ANK3: variants seen among roughly 807,000 people sequenced by gnomAD.
The protein encoded by ANK3 is ankyrin 3.
In ANK3, 57 loss-of-function variants were observed where a neutral mutation model predicts 370.9. The ratio of observed to expected loss-of-function variants is 0.15; its 90% CI spans 0.12 to 0.19. ANK3 has a LOEUF of 0.19. ANK3 is among the 10% of genes least tolerant of loss of function. The pLI is 1.00. For synonymous variants in ANK3, 1,929 were observed against 1,946.3 expected (o/e 0.99, Z 0.23); for missense variants, 4,439 against 5,302.1 (o/e 0.84, Z 5.06).
chr10:60,126,215 G>C (rs1287907304), intron 25 of ANK3, among the ~76,000 whole-genome samples: 1 of 152,154 alleles, frequency 6.6e-6, no homozygotes, highest in Admixed American at 6.6e-5. Flanking sequence ...GTCTGAAAAG[G>C]AAGTCTTCAA....
intron 30 of ANK3, among the ~76,000 whole-genome samples, chr10:60,085,507 A>G (rs2086440933): frequency 1.3e-5 from 2 of 152,052 alleles, no homozygotes; most frequent in Admixed American, 1.3e-4. Flanking sequence ...GTACTAATGA[A>G]TGGCTTAAAC....
chr10:60,351,784 G>T (rs2056911973), intron 1 of ANK3, among the ~76,000 whole-genome samples: 2 of 152,098 alleles, frequency 1.3e-5, no homozygotes, highest in African/African-American at 4.8e-5. Flanking sequence ...GGCCATCGGG[G>T]TCTCAGAGAA....
intron 23 of ANK3, chr10:60,140,571 C>T (rs2132214029): frequency 2.9e-6 from 4 of 1,376,506 alleles, no homozygotes; most frequent in Admixed American, 3.4e-5. Context: ...ACTCAGAGTT[C>T]GAAGATTTTC....
At chr10:60,085,941 A>G (rs1459328389) in intron 30 of ANK3, among the ~76,000 whole-genome samples, 1 of 152,184 alleles carries the variant, frequency 6.6e-6, no homozygotes, top group Non-Finnish European at 1.5e-5. Flanking sequence ...GGTAAGAACT[A>G]CCAAAGTTAA....
In ANK3 at chr10:60,156,829, A is replaced by T. The variant is rs555813526; in HGVS notation, c.2614+9762T>A. Among the ~76,000 whole-genome samples, 352 of 152,220 alleles carry T rather than the reference A, an allele frequency of 2.3e-3. 2 individuals are homozygous for T. Among genetic ancestry groups the T allele is most frequent in the Middle Eastern group, 0.017 (5 of 294 alleles). ...GTCCTCTCAAAAAGGATGGCTAAAA[A>T]CAAGCCTATACTGTGAAGACTGGAA... On this transcript the variant is annotated intron_variant, in intron 23 of 43. Transcript: ENST00000280772.
intron 1 of ANK3, among the ~76,000 whole-genome samples, chr10:60,673,351 T>A (rs980365608): frequency 1.5e-4 from 10 of 65,940 alleles, no homozygotes; most frequent in African/African-American, 6.1e-4. Context: ...TCAGACAAGA[T>A]TTTTTTTTTT....
intron 1 of ANK3, among the ~76,000 whole-genome samples, chr10:60,666,490 T>C (rs1485060682): frequency 1.3e-5 from 2 of 152,088 alleles, no homozygotes; most frequent in East Asian, 1.9e-4. Context: ...ATGAAAAGAG[T>C]TCTGGAGATG....
At chr10:60,229,171 A>AT (rs1357200858) in intron 8 of ANK3, among the ~76,000 whole-genome samples, 4 of 152,168 alleles carry the variant, frequency 2.6e-5, no homozygotes, top group African/African-American at 9.7e-5. Flanking sequence ...CTAAATAAAT[A>AT]TTTTCAATTA....
chr10:60,366,635 G>T (rs1262046091), intron 1 of ANK3, among the ~76,000 whole-genome samples: 1 of 152,014 alleles, frequency 6.6e-6, no homozygotes, highest in Non-Finnish European at 1.5e-5. Flanking sequence ...AGGGGGCTTG[G>T]GGAGGAAGGG....
At chr10:60,614,003 G>A (rs1489487120) in intron 2 of ANK3, among the ~76,000 whole-genome samples, 3 of 152,118 alleles carry the variant, frequency 2.0e-5, no homozygotes, top group Non-Finnish European at 2.9e-5. Context: ...GAACCCGGGA[G>A]GCAGATGTTG....
At chr10:60,554,544 C>T (rs959043605) in intron 2 of ANK3, among the ~76,000 whole-genome samples, 8 of 151,978 alleles carry the variant, frequency 5.3e-5, no homozygotes, top group Non-Finnish European at 7.4e-5. Context: ...TTTTGTAGCA[C>T]AAAAATAAAG....
intron 1 of ANK3, among the ~76,000 whole-genome samples, chr10:60,356,009 C>T (rs578239105): frequency 2.0e-5 from 3 of 152,272 alleles, no homozygotes; most frequent in African/African-American, 7.2e-5. Flanking sequence ...TCTTAACAGT[C>T]TAGTAACAGC....
intron 7 of ANK3, among the ~76,000 whole-genome samples, chr10:60,247,694 A>C (rs2097578546): frequency 6.6e-6 from 1 of 151,774 alleles, no homozygotes. Flanking sequence ...AGGAGACAGG[A>C]TTTCACTCTG....
In ANK3 at chr10:60,291,787, A is replaced by C. The variant is rs149229252; in HGVS notation, c.115-12148T>G. Among the ~76,000 whole-genome samples, 5 of 152,116 alleles carry C rather than the reference A, an allele frequency of 3.3e-5. No homozygotes were observed. In the East Asian group the frequency reaches 9.7e-4, roughly 29 times the overall value. ...GTCTCTATCACCCAGGCTGGAGCTC[A>C]CTGCAACCTCCACCTCCCAGGCTCA... On this transcript the variant is annotated intron_variant, in intron 1 of 43. Coordinates refer to ENST00000280772, the MANE Select transcript of ANK3 (RefSeq NM_020987.5).
chr10:60,155,511 C>A (rs1453056871), intron 23 of ANK3, among the ~76,000 whole-genome samples: 13 of 151,888 alleles, frequency 8.6e-5, no homozygotes, highest in Admixed American at 8.5e-4. Context: ...CCAAGGAGTG[C>A]AGTCCTTGGA....
At chr10:60,413,743 C>A (rs972434895) in intron 2 of ANK3, among the ~76,000 whole-genome samples, 1 of 152,064 alleles carries the variant, frequency 6.6e-6, no homozygotes, top group Non-Finnish European at 1.5e-5. Flanking sequence ...GCCTGTAATC[C>A]CAGCACTTTG....
chr10:60,491,940 A>T (rs558681241), intron 2 of ANK3, among the ~76,000 whole-genome samples: 1 of 152,308 alleles, frequency 6.6e-6, no homozygotes, highest in East Asian at 1.9e-4. Context: ...GTCTGGTGAT[A>T]TATACGGTCA....
chr10:60,218,036 T>C (rs1385103868), intron 8 of ANK3, among the ~76,000 whole-genome samples: 2 of 152,122 alleles, frequency 1.3e-5, no homozygotes, highest in African/African-American at 4.8e-5. Flanking sequence ...TGGACCTTTG[T>C]TGATTTAAAG....
chr10:60,082,855 G>A, intron 33 of ANK3, 118 bp from the exon 34 acceptor site: 1 of 1,207,788 alleles, frequency 8.3e-7, no homozygotes, highest in Non-Finnish European at 1.1e-6. Context: ...AAAGGTAAAG[G>A]GAAAAGATGA....
Sources: allele counts gnomAD v4.1 joint callset (sites outside exome capture counted in the v4.1 genomes callset), GRCh38; gene constraint gnomAD v4.1.1; transcripts MANE v1.5; gene names NCBI Gene and HGNC (gene_info 2026-07-23, HGNC 2026-07-21).